TBCK: variants seen among roughly 807,000 people sequenced by gnomAD.
TBCK encodes TBC1 domain containing kinase, also known as TBC domain-containing protein kinase-like protein.
TBCK carries 99 observed loss-of-function variants against 113.4 expected under a neutral mutation model. The observed-to-expected ratio is 0.87, with a 90% confidence interval of 0.74 to 1.03. The LOEUF (loss-of-function observed/expected upper bound fraction) is 1.03, where lower values mean the gene tolerates loss of function less well. TBCK is among the 50% of genes least tolerant of loss of function. TBCK has a pLI of 0.00. For missense variants in TBCK, 1,045 were observed against 1,061.3 expected (o/e 0.98, Z 0.21); for synonymous variants, 369 against 370.8 (o/e 1.00, Z 0.05).
At chr4:106,312,949 C>T (rs1463727032) in intron 1 of TBCK, among the ~76,000 whole-genome samples, 1 of 152,016 alleles carries the variant, frequency 6.6e-6, no homozygotes, top group Non-Finnish European at 1.5e-5. Flanking sequence ...AGCAGAGAAA[C>T]AGAGGAACTT....
intron 24 of TBCK, among the ~76,000 whole-genome samples, chr4:106,101,773 AAAAT>A (rs1404984729): frequency 6.6e-6 from 1 of 152,208 alleles, no homozygotes; most frequent in East Asian, 1.9e-4. Flanking sequence ...GTTTACAGAT[AAAAT>A]AAATTGGATC....
chr4:106,169,413 G>A (rs1397452935), intron 23 of TBCK, among the ~76,000 whole-genome samples: 8 of 152,066 alleles, frequency 5.3e-5, no homozygotes, highest in African/African-American at 1.9e-4. Context: ...ACTAATCTGT[G>A]AAAGGAACAA....
chr4:106,147,183 C>T (rs759800026), intron 23 of TBCK, among the ~76,000 whole-genome samples: 1 of 152,150 alleles, frequency 6.6e-6, no homozygotes, highest in Non-Finnish European at 1.5e-5. Context: ...TTGGAATCAA[C>T]TTCTTACAAA....
At chr4:106,109,167 C>T (rs556343197) in intron 24 of TBCK, among the ~76,000 whole-genome samples, 46 of 152,112 alleles carry the variant, frequency 3.0e-4, no homozygotes, top group African/African-American at 1.0e-3. Flanking sequence ...TGCTATGGAT[C>T]GGAAGGATCA....
At position 106,041,787 on chromosome 4, in the gene TBCK, T is replaced by C. The variant is rs1452036914; in HGVS notation, c.*4783A>G. 6.6e-6 allele frequency: 1 copy of C among 152,164 alleles called. No homozygotes were observed. The highest frequency in any genetic ancestry group is 1.9e-4 in the East Asian group (1 of 5,194). 9.4% of individuals were successfully genotyped at this position (152,164 alleles called of 1,614,324 possible). A position where few individuals can be genotyped will look rare whatever the true frequency, so the allele number is the denominator to read the frequency against. On this transcript the variant is annotated 3_prime_UTR_variant, in exon 26 of 26. Transcript: ENST00000394708. ...TAGAAGCTATACAGATCACAATCTA[T>C]CTATAGAACACTGAATATGCCAAGA...
At chr4:106,212,351 G>T (rs898095725) in intron 20 of TBCK, among the ~76,000 whole-genome samples, 4 of 152,028 alleles carry the variant, frequency 2.6e-5, no homozygotes, top group African/African-American at 9.7e-5. Context: ...GGACTACAGA[G>T]AAAAGAAAAC....
At chr4:106,131,687 T>C (rs1009174361) in intron 23 of TBCK, among the ~76,000 whole-genome samples, 1 of 152,046 alleles carries the variant, frequency 6.6e-6, no homozygotes, top group African/African-American at 2.4e-5. Flanking sequence ...TGCCCAAAAA[T>C]GTGGAAGCAA....
intron 24 of TBCK, among the ~76,000 whole-genome samples, chr4:106,102,622 A>T (rs1578897123): frequency 6.7e-6 from 1 of 150,240 alleles, no homozygotes; most frequent in East Asian, 2.0e-4. Context: ...ATTTTTAGAC[A>T]TTAAATCTCC....
At chr4:106,150,542 T>C (rs2149679933) in intron 23 of TBCK, among the ~76,000 whole-genome samples, 1 of 152,208 alleles carries the variant, frequency 6.6e-6, no homozygotes. Context: ...ATTTTTCAGA[T>C]ACATTGCTTT....
chr4:106,149,617 C>A (rs1216144506), intron 23 of TBCK, among the ~76,000 whole-genome samples: 2 of 152,170 alleles, frequency 1.3e-5, no homozygotes, highest in East Asian at 3.9e-4. Context: ...GTTTGTGGTG[C>A]ACCAAAACAA....
intron 23 of TBCK, among the ~76,000 whole-genome samples, chr4:106,153,216 C>A (rs1042420517): frequency 2.6e-5 from 4 of 152,022 alleles, no homozygotes; most frequent in African/African-American, 9.7e-5. Context: ...TAACTTCCCT[C>A]AGTACTGTTT....
At chr4:106,083,575 G>C (rs1017610610) in intron 25 of TBCK, among the ~76,000 whole-genome samples, 2 of 152,178 alleles carry the variant, frequency 1.3e-5, no homozygotes, top group East Asian at 3.9e-4. Flanking sequence ...ACACCCTCTA[G>C]AACAAGGAAT....
chr4:106,116,201 A>G lies in TBCK; in HGVS notation c.2411+2T>C. 1 of 1,613,686 alleles carries G rather than the reference A, an allele frequency of 6.2e-7. No individual in the cohort carries two copies. The highest frequency in any genetic ancestry group is 8.5e-7 in the Non-Finnish European group (1 of 1,179,786). ...CTTTAAAACAGCATATGCAAAGGAT[A>G]CTCTTCACTATTCCGGATGTCAACC... On this transcript the variant is annotated splice_donor_variant, in intron 24 of 25. Coordinates refer to ENST00000394708, the MANE Select transcript of TBCK (RefSeq NM_001163435.3). LOFTEE classifies it high-confidence loss of function.
intron 3 of TBCK, among the ~76,000 whole-genome samples, chr4:106,263,644 G>T (rs1388079820): frequency 6.6e-6 from 1 of 151,636 alleles, no homozygotes; most frequent in South Asian, 2.1e-4. Context: ...AAATGTTAAG[G>T]TATGTAAATT....
intron 23 of TBCK, among the ~76,000 whole-genome samples, chr4:106,144,750 A>G (rs1747556810): frequency 6.6e-6 from 1 of 151,958 alleles, no homozygotes; most frequent in South Asian, 2.1e-4. Context: ...TGGGCTGGGC[A>G]TGGTGGCTCA....
At position 106,135,835 on chromosome 4, in the gene TBCK, G is replaced by A. The variant is rs1488803639; in HGVS notation, c.2236-19457C>T. Among the ~76,000 whole-genome samples, 2 of 141,582 alleles carry A rather than the reference G, an allele frequency of 1.4e-5. 1 individual carries two copies. The highest frequency in any genetic ancestry group is 3.2e-5 in the Non-Finnish European group (2 of 62,316). 92.9% of individuals were successfully genotyped at this position (141,582 alleles called of 152,430 possible). On this transcript the variant is annotated intron_variant, in intron 23 of 25. Transcript: ENST00000394708. ...TCTCACTGAATTGACCATCCATCCT[G>A]AGAATCAGAGAAAATAGTATTGAAT...
chr4:106,241,513 A>C (rs1370416797), intron 12 of TBCK, among the ~76,000 whole-genome samples: 1 of 152,004 alleles, frequency 6.6e-6, no homozygotes, highest in Non-Finnish European at 1.5e-5. Context: ...ACTACAGATT[A>C]AGGCAATGTG....
At chr4:106,236,622 A>G in intron 13 of TBCK, 103 bp from the exon 14 acceptor site, 3 of 1,172,932 alleles carry the variant, frequency 2.6e-6, no homozygotes, top group Non-Finnish European at 2.2e-6. Context: ...GAAAAAGCAC[A>G]AAATTTTAAT....
At chr4:106,164,293 T>C (rs1300919969) in intron 23 of TBCK, 1 of 151,992 alleles carries the variant, frequency 6.6e-6, no homozygotes, top group Non-Finnish European at 1.5e-5. Context: ...CTCTAAATAA[T>C]TTCAGCAGAC....
Sources: gnomAD v4.1 joint callset for allele counts (sites outside exome capture counted in the v4.1 genomes callset) on GRCh38, gnomAD v4.1.1 for gene constraint, MANE v1.5 for transcripts, NCBI Gene and HGNC (gene_info 2026-07-23, HGNC 2026-07-21) for gene names.